Variants in RPL8 observed in about 807,000 individuals in gnomAD.
RPL8 encodes ribosomal protein L8, also known as large ribosomal subunit protein uL2.
For missense variants in RPL8, 248 were observed against 365.9 expected, an observed-to-expected ratio of 0.68 and a Z score of 2.63; for synonymous variants, 182 against 143.2, an observed-to-expected ratio of 1.27 and a Z score of -1.94.
At chr8:144,790,743 A>G in intron 3 of RPL8, 1 of 652,214 alleles carries the variant, frequency 1.5e-6, no homozygotes, top group Non-Finnish European at 2.8e-6. Flanking sequence ...CATGTGTGAG[A>G]CGTCAGGCCG....
chr8:144,792,137 G>A lies in RPL8; in HGVS notation c.-8C>T. On this transcript the variant is annotated 5_prime_UTR_variant, in exon 1 of 5. Coordinates refer to ENST00000528957, the MANE Select transcript of RPL8 (RefSeq NM_001317782.2). ...ACGGATCACACGGCCCATGGCGACG[G>A]GTCCTGGGGGCGACTCACGATTAGC... 1 of 1,494,936 alleles carries A rather than the reference G, an allele frequency of 6.7e-7. No individual in the cohort carries two copies. Among genetic ancestry groups the A allele is most frequent in the Non-Finnish European group, 8.9e-7 (1 of 1,128,470 alleles). The allele number at this position is 1,494,936 out of a possible 1,614,324, so 92.6% of individuals were successfully genotyped here. A position where few individuals can be genotyped will look rare whatever the true frequency, so the allele number is the denominator to read the frequency against.
At chr8:144,790,034 C>G (rs113792285) in intron 4 of RPL8, 72 bp from the exon 5 acceptor site, 1 of 1,488,312 alleles carries the variant, frequency 6.7e-7, no homozygotes, top group African/African-American at 1.4e-5. Context: ...GGGTCCCACC[C>G]GTCAGGGGCC....
chr8:144,790,280 T>A, intron 4 of RPL8, 75 bp downstream of exon 4: 1 of 1,239,626 alleles, frequency 8.1e-7, no homozygotes, highest in Non-Finnish European at 1.2e-6. Context: ...GGGACACCTG[T>A]GGATGGGACT....
chr8:144,790,264 C>T lies in RPL8; in HGVS notation c.615+91G>A, dbSNP rs1826453998. The T allele has an allele frequency of 2.0e-5, 22 of 1,084,614 alleles. 1 individual carries two copies. The South Asian group carries it at 3.0e-4, about 15-fold the overall frequency. 67.2% of individuals were successfully genotyped at this position (1,084,614 alleles called of 1,614,324 possible). ...TGCTCCTCCCACCGTAGATCCCCCTCCTGCAGGGACACCTGTGGATGGGAC... is the reference window on the plus strand; with the variant it reads ...TGCTCCTCCCACCGTAGATCCCCCTTCTGCAGGGACACCTGTGGATGGGAC... On this transcript the variant is annotated intron_variant, in intron 4 of 4. Coordinates refer to ENST00000528957, the MANE Select transcript of RPL8 (RefSeq NM_001317782.2).
At chr8:144,790,016 C>CT (rs1826441170) in intron 4 of RPL8, 54 bp from the exon 5 acceptor site, 18 of 1,538,138 alleles carry the variant, frequency 1.2e-5, no homozygotes, top group Non-Finnish European at 1.5e-5. Flanking sequence ...CCCCCGCCCC[C>CT]GGCCTCGGGG....
At chr8:144,790,292 G>T in intron 4 of RPL8, 63 bp downstream of exon 4, 1 of 1,374,924 alleles carries the variant, frequency 7.3e-7, no homozygotes, top group Non-Finnish European at 1.0e-6. Flanking sequence ...GATGGGACTT[G>T]CCTACCCAAC....
At chr8:144,791,043 G>A (rs1826492787) in intron 3 of RPL8, 1 of 567,840 alleles carries the variant, frequency 1.8e-6, no homozygotes, top group Non-Finnish European at 3.2e-6. Flanking sequence ...CAAGACCCTG[G>A]TGACTTCGTC....
chr8:144,792,038 G>A lies in RPL8; in HGVS notation c.92C>T (p.Ala31Val), dbSNP rs9470. The A allele has an allele frequency of 2.2e-5, 36 of 1,609,038 alleles. No individual in the cohort carries two copies. The highest frequency in any genetic ancestry group is 3.1e-5 in the Non-Finnish European group (36 of 1,178,442). The change falls in exon 1 of 5, where the codon GCC (alanine) becomes GTC (valine). Residue 31 changes from alanine (A) to valine (V), a missense_variant. Coordinates refer to ENST00000528957, the MANE Select transcript of RPL8 (RefSeq NM_001317782.2). ...GCCGTGCCGCTCAGCGAAATCCACG[G>A]CGCGCAGGCGCGCAGCGCCTTTACG... is the stretch of plus-strand genomic sequence containing the variant. ...KHRKGAARLR[A>V]VDFAERHGYI...
intron 3 of RPL8, chr8:144,790,732 CCAT>C: frequency 3.0e-6 from 2 of 666,328 alleles, no homozygotes; most frequent in South Asian, 3.0e-5. Context: ...ACCCCCCTCA[CCAT>C]GTGTGAGACG....
chr8:144,790,751 C>T, intron 3 of RPL8: 1 of 644,426 alleles, frequency 1.6e-6, no homozygotes, highest in Non-Finnish European at 2.9e-6. Context: ...AGACGTCAGG[C>T]CGGCCACTCA....
At chr8:144,791,050 C>G (rs140504303) in intron 3 of RPL8, 1 of 573,560 alleles carries the variant, frequency 1.7e-6, no homozygotes, top group East Asian at 3.0e-5. Flanking sequence ...CTGGTGACTT[C>G]GTCCCAATCT....
At chr8:144,791,606 G>T in intron 2 of RPL8, 111 bp from the exon 3 acceptor site, 1 of 1,466,888 alleles carries the variant, frequency 6.8e-7, no homozygotes, top group Non-Finnish European at 9.3e-7. Context: ...CCAGCCTCCC[G>T]GTACAACTCT....
Position 144,791,873 on chromosome 8 carries a change from C to A in RPL8, c.180G>T (p.Lys60Asn). 1 of 1,613,738 alleles carries A rather than the reference C, an allele frequency of 6.2e-7. No homozygotes were observed. Among genetic ancestry groups the A allele is most frequent in the Non-Finnish European group, 8.5e-7 (1 of 1,180,028 alleles). The stretch of plus-strand genomic sequence containing the variant: ...ACCGATACGGATCCCGGAAGACCAC[C>A]TTGGCGAGGGGCGCGCCGCGGCCCG... ...HDPGRGAPLA[K>N]VVFRDPYRFK... Residue 60 changes from lysine (K) to asparagine (N), a missense_variant, in exon 2 of 5, where the codon AAG becomes AAT. Coordinates refer to ENST00000528957, the MANE Select transcript of RPL8 (RefSeq NM_001317782.2).
intron 3 of RPL8, chr8:144,790,945 G>C (rs999037815): frequency 4.3e-6 from 2 of 461,848 alleles, no homozygotes; most frequent in East Asian, 4.7e-5. Context: ...GCGTCTTTGA[G>C]AAAGCCACAA....
chr8:144,790,696 T>C (rs1477892511), intron 3 of RPL8: 2 of 687,492 alleles, frequency 2.9e-6, no homozygotes, highest in Non-Finnish European at 2.7e-6. Context: ...CCTAGAATGC[T>C]GGCTGAGCTC....
In RPL8 at chr8:144,791,365, G is replaced by A; in HGVS notation, c.411C>T (p.Ile137=). Reference sequence around the variant, plus strand: ...TCTTCTTGGTCTCAGGGTTGTGGGAGATAACGGTGGCATAGTTCCCTGATG... The same window carrying A: ...TCTTCTTGGTCTCAGGGTTGTGGGAAATAACGGTGGCATAGTTCCCTGATG... ...ARASGNYATV[I]SHNPETKKTR... Residue 137 remains isoleucine (I), a synonymous_variant, in exon 3 of 5, where the codon ATC becomes ATT. Coordinates refer to ENST00000528957, the MANE Select transcript of RPL8 (RefSeq NM_001317782.2). The A allele has an allele frequency of 6.2e-7, 1 of 1,613,784 alleles. No individual in the cohort carries two copies. The highest frequency in any genetic ancestry group is 8.5e-7 in the Non-Finnish European group (1 of 1,180,020).
rs770857143 is a variant in RPL8 at position 144,791,872 on chromosome 8, C to T, written c.181G>A (p.Val61Met). Residue 61 changes from valine (V) to methionine (M), a missense_variant, in exon 2 of 5, where the codon GTG becomes ATG. By Grantham distance (21) the Val-to-Met change is conservative. Coordinates refer to ENST00000528957, the MANE Select transcript of RPL8 (RefSeq NM_001317782.2). The part of the protein sequence containing the change: ...DPGRGAPLAK[V>M]VFRDPYRFKK... ...AACCGATACGGATCCCGGAAGACCA[C>T]CTTGGCGAGGGGCGCGCCGCGGCCC... The T allele has an allele frequency of 3.7e-6, 6 of 1,613,618 alleles. No homozygotes were observed. In the African/African-American group the frequency reaches 6.7e-5, roughly 18 times the overall value.
In RPL8 at chr8:144,790,188, A is replaced by G. The variant is rs532643057; in HGVS notation, c.615+167T>C. ...GAAGGAGGGTGAGCCCACCTCCTTC[A>G]GGAGTGCTGGAGCAGGATCAACAGT... On this transcript the variant is annotated intron_variant, in intron 4 of 4. Transcript: ENST00000528957. Among the ~76,000 whole-genome samples, 6 of 152,264 alleles carry G rather than the reference A, an allele frequency of 3.9e-5. 1 individual carries two copies. The South Asian group carries it at 1.2e-3, about 32-fold the overall frequency.
chr8:144,791,034 A>G (rs1047037012), intron 3 of RPL8: 3 of 560,760 alleles, frequency 5.3e-6, no homozygotes, highest in Non-Finnish European at 9.6e-6. Context: ...GGTAGAATCC[A>G]AGACCCTGGT....
Sources: allele counts gnomAD v4.1 joint callset (sites outside exome capture counted in the v4.1 genomes callset), GRCh38; gene constraint gnomAD v4.1.1; transcripts MANE v1.5; gene names NCBI Gene and HGNC (gene_info 2026-07-23, HGNC 2026-07-21).